CEP131: variants seen among roughly 807,000 people sequenced by gnomAD.
CEP131 encodes centrosomal protein 131, also known as centrosomal protein of 131 kDa.
A neutral mutation model predicts 136.8 loss-of-function variants in CEP131; 99 were observed. The observed-to-expected ratio is 0.72, with a 90% CI of 0.62 to 0.86. CEP131 has a LOEUF of 0.86. Among genes scored for constraint, CEP131 ranks in the 40% least tolerant of loss-of-function variants. CEP131 has a pLI of 0.00. For missense variants in CEP131, 1,459 were observed against 1,463.0 expected (o/e 1.00, Z 0.04); for synonymous variants, 646 against 612.7 (o/e 1.05, Z -0.80).
chr17:81,200,296 G>C (rs1312773141), intron 8 of CEP131, 33 bp downstream of exon 8: 1 of 1,540,244 alleles, frequency 6.5e-7, no homozygotes, highest in African/African-American at 1.4e-5. Context: ...ACCCCCCGGG[G>C]GAGCATGGAG....
chr17:81,193,163 T>C (rs1446797064), intron 18 of CEP131, among the ~76,000 whole-genome samples: 1 of 152,214 alleles, frequency 6.6e-6, no homozygotes, highest in African/African-American at 2.4e-5. Context: ...CTGTTCAGCA[T>C]TGCCCCACGG....
At chr17:81,202,935 G>GAAACT (rs2061925970) in intron 6 of CEP131, among the ~76,000 whole-genome samples, 1 of 151,202 alleles carries the variant, frequency 6.6e-6, no homozygotes, top group African/African-American at 2.4e-5. Context: ...CTGCACTCCA[G>GAAACT]CCTGGGCAAC....
intron 3 of CEP131, 83 bp from the exon 4 acceptor site, chr17:81,207,322 G>T (rs983340971): frequency 5.6e-6 from 7 of 1,247,072 alleles, no homozygotes; most frequent in Middle Eastern, 2.5e-4. Context: ...GGCAGGTCCC[G>T]CGAGGACAGA....
chr17:81,206,248 C>T (rs950347282), intron 5 of CEP131, among the ~76,000 whole-genome samples: 24 of 152,128 alleles, frequency 1.6e-4, no homozygotes, highest in African/African-American at 5.1e-4. Flanking sequence ...CTGTGCCAAC[C>T]CTGGAGAATA....
rs1426828170 is a variant in CEP131, at chr17:81,219,036, C to T, written c.177+844G>A. On this transcript the variant is annotated intron_variant, in intron 2 of 25. Coordinates refer to ENST00000450824, the MANE Select transcript of CEP131 (RefSeq NM_014984.4). This position sits in a 1 kb window ranked among gnomAD's most constrained non-coding sequence, Gnocchi z 4.0. ...AGGCTCTGCCCCAACCCCCACAGAG[C>T]GGCTCGATTCCTCCCTTGCCCCAAA... 1.3e-5 allele frequency among the ~76,000 whole-genome samples: 2 copies of T among 152,204 alleles called. No homozygotes were observed. Among genetic ancestry groups the T allele is most frequent in the South Asian group, 2.1e-4 (1 of 4,832 alleles).
intron 5 of CEP131, among the ~76,000 whole-genome samples, chr17:81,204,378 G>A (rs966880809): frequency 1.4e-4 from 21 of 152,132 alleles, no homozygotes; most frequent in Non-Finnish European, 1.2e-4. Flanking sequence ...AGTGCAACCG[G>A]GCAGCCAGGA....
In CEP131 at chr17:81,203,143, C is replaced by A. The variant is rs371506913; in HGVS notation, c.629+351G>T. 1.3e-5 allele frequency among the ~76,000 whole-genome samples: 2 copies of A among 152,174 alleles called. No individual in the cohort carries two copies. Among genetic ancestry groups the A allele is most frequent in the African/African-American group, 4.8e-5 (2 of 41,432 alleles). ...GCTGTGACGCCTTCTGGGCTCTGCACAAGCCTTGGCTTCCTCCTGGGGGCC... is the reference window on the plus strand; with the variant it reads ...GCTGTGACGCCTTCTGGGCTCTGCAAAAGCCTTGGCTTCCTCCTGGGGGCC... On this transcript the variant is annotated intron_variant, in intron 6 of 25. Coordinates refer to ENST00000450824, the MANE Select transcript of CEP131 (RefSeq NM_014984.4). This position sits in a 1 kb window ranked among gnomAD's most constrained non-coding sequence, Gnocchi z 4.6.
chr17:81,218,190 G>A (rs1423012871), intron 2 of CEP131, among the ~76,000 whole-genome samples: 1 of 152,068 alleles, frequency 6.6e-6, no homozygotes, highest in African/African-American at 2.4e-5. Context: ...TTAAGGGTGC[G>A]CGCCACCACG....
intron 24 of CEP131, 50 bp downstream of exon 24, chr17:81,190,589 C>T (rs965503535): frequency 1.5e-5 from 23 of 1,484,002 alleles, no homozygotes; most frequent in East Asian, 2.5e-5. Context: ...AGGTCCTGCC[C>T]GCTCCCCTGC....
chr17:81,202,375 C>T lies in CEP131; in HGVS notation c.653G>A (p.Cys218Tyr). 2 of 1,613,424 alleles carry T rather than the reference C, an allele frequency of 1.2e-6. No individual in the cohort carries two copies. The highest frequency in any genetic ancestry group is 1.7e-6 in the Non-Finnish European group (2 of 1,179,892). ...SLNNIIKAATCEGSESSGFGK... is the reference protein window; with the variant it reads ...SLNNIIKAATYEGSESSGFGK... ...AAAGCCGCTGCTCTCACTGCCCTCA[C>T]AGGTGGCTGCCTTGATGATGTTGCT... Residue 218 changes from cysteine (C) to tyrosine (Y), a missense_variant, in exon 7 of 26, where the codon TGT (cysteine) becomes TAT (tyrosine). Physicochemically the swap from Cys to Tyr is radical, Grantham distance 194. Around this residue, in one of 3 missense-constraint regions of CEP131, gnomAD observed 246 missense variants for 318.9 expected, o/e 0.77. Coordinates refer to ENST00000450824, the MANE Select transcript of CEP131 (RefSeq NM_014984.4).
At position 81,200,035 on chromosome 17, in the gene CEP131, C is replaced by T. The variant is rs7217077; in HGVS notation, c.907-200G>A. The T allele has an allele frequency of 1.7e-3, 1,070 of 629,156 alleles. 6 individuals are homozygous for T. The African/African-American group carries it at 0.018, about 10-fold the overall frequency. The allele number at this position is 629,156 out of a possible 1,614,324, so 39.0% of individuals were successfully genotyped here. On this transcript the variant is annotated intron_variant, in intron 8 of 25. Transcript: ENST00000450824. The stretch of plus-strand genomic sequence containing the variant: ...AGGATGAGCCCTACGTCGCAGGTGG[C>T]CAACAGTTCTGGCGTGGGGGAGACA...
In CEP131 at chr17:81,217,579, T is replaced by TG. The variant is rs543400404; in HGVS notation, c.177+2300dup. On this transcript the variant is annotated intron_variant, in intron 2 of 25. Coordinates refer to ENST00000450824, the MANE Select transcript of CEP131 (RefSeq NM_014984.4). ...AAACCCCTGAGGTCACGTCACACAC[T>TG]GGCGGGGGTTCCTCTTCCACCAGCA... Among the ~76,000 whole-genome samples, 180 of 152,216 alleles carry TG rather than the reference T, an allele frequency of 1.2e-3. 2 individuals are homozygous for TG. Among genetic ancestry groups the TG allele is most frequent in the African/African-American group, 4.2e-3 (174 of 41,530 alleles).
chr17:81,193,947 T>A lies in CEP131; in HGVS notation c.2300A>T (p.Glu767Val), dbSNP rs2061698164. ...EREKEALGQQERERARQRFQQ... is the reference protein window; with the variant it reads ...EREKEALGQQVRERARQRFQQ... ...CCACCGCTGCCGAGCACGTTCGCGCTCCTGCTGGCCCAGCGCCTCCTTCTC... is the reference window on the plus strand; with the variant it reads ...CCACCGCTGCCGAGCACGTTCGCGCACCTGCTGGCCCAGCGCCTCCTTCTC... Residue 767 changes from glutamate to valine, a missense_variant, in exon 18 of 26, where the codon GAG (glutamate) becomes GTG (valine). This residue lies in a region of CEP131 where 1,026 missense variants were observed against 964.2 expected (regional missense o/e 1.06). Coordinates refer to ENST00000450824, the MANE Select transcript of CEP131 (RefSeq NM_014984.4). 1 of 1,541,026 alleles carries A rather than the reference T, an allele frequency of 6.5e-7. No homozygotes were observed. The highest frequency in any genetic ancestry group is 1.4e-5 in the African/African-American group (1 of 72,716).
chr17:81,192,220 T>C (rs373546590), intron 21 of CEP131, 98 bp downstream of exon 21: 2 of 1,145,812 alleles, frequency 1.7e-6, no homozygotes, highest in Admixed American at 2.3e-5. Context: ...GCCCCCAGGA[T>C]GCCACAGCAG....
At chr17:81,212,091 G>T (rs1194201190) in intron 2 of CEP131, among the ~76,000 whole-genome samples, 2 of 151,974 alleles carry the variant, frequency 1.3e-5, no homozygotes, top group Non-Finnish European at 2.9e-5. Context: ...GAGGTGGGCG[G>T]ATAATCTGAG....
chr17:81,198,744 TG>T, intron 11 of CEP131, 132 bp downstream of exon 11: 1 of 835,722 alleles, frequency 1.2e-6, no homozygotes, highest in Non-Finnish European at 1.9e-6. Context: ...ACCTCCTGGG[TG>T]GCCTCTCTGA....
At chr17:81,201,982 T>G (rs1318842989) in intron 7 of CEP131, among the ~76,000 whole-genome samples, 1 of 151,712 alleles carries the variant, frequency 6.6e-6, no homozygotes, top group African/African-American at 2.4e-5. Flanking sequence ...GCACCTGTAG[T>G]CCCAGCTACT....
In CEP131 at chr17:81,196,694, C is replaced by T. The variant is rs918791406; in HGVS notation, c.1899+7G>A. ...GTCCGGGCCTCTGCGCTCCCCGGGC[C>T]GCTCACCTGGTCAATGAAGGCCAAG... On this transcript the variant is annotated splice_region_variant and intron_variant, in intron 15 of 25. Transcript: ENST00000450824. 1.4e-5 allele frequency: 23 copies of T among 1,601,690 alleles called. No homozygotes were observed. The highest frequency in any genetic ancestry group is 5.3e-5 in the African/African-American group (4 of 74,888).
intron 2 of CEP131, among the ~76,000 whole-genome samples, chr17:81,212,853 T>C (rs779796033): frequency 2.8e-4 from 42 of 152,168 alleles, no homozygotes; most frequent in Non-Finnish European, 5.9e-4. Flanking sequence ...TTACTATCTA[T>C]AGACAGTGTG....
Sources: allele counts gnomAD v4.1 joint callset (sites outside exome capture counted in the v4.1 genomes callset), GRCh38; gene constraint gnomAD v4.1.1; regional missense constraint gnomAD v4.1.1; non-coding constraint Gnocchi (gnomAD v3.1); transcripts MANE v1.5; gene names NCBI Gene and HGNC (gene_info 2026-07-23, HGNC 2026-07-21).